NRP1: variants seen among roughly 807,000 people sequenced by gnomAD.
NRP1 encodes neuropilin-1.
Under a neutral mutation model 106.7 loss-of-function variants are expected in NRP1, and 35 were observed. That is an observed-to-expected ratio of 0.33 (90% CI 0.25 to 0.43). The LOEUF (loss-of-function observed/expected upper bound fraction) is 0.43. NRP1 is among the 20% of genes least tolerant of loss of function. The pLI, the probability that NRP1 is intolerant of heterozygous loss-of-function variation, is 1.00. For synonymous variants in NRP1, 437 were observed against 417.9 expected, an observed-to-expected ratio of 1.05 and a Z score of -0.56; for missense variants, 1,024 against 1,170.4, an observed-to-expected ratio of 0.87 and a Z score of 1.83.
At chr10:33,260,598 G>A (rs541991281) in intron 4 of NRP1, among the ~76,000 whole-genome samples, 3 of 152,184 alleles carry the variant, frequency 2.0e-5, no homozygotes, top group East Asian at 3.9e-4. Context: ...GCATGTACCC[G>A]GGCAATGATG....
At chr10:33,252,394 G>C (rs1166508832) in intron 6 of NRP1, among the ~76,000 whole-genome samples, 3 of 152,130 alleles carry the variant, frequency 2.0e-5, no homozygotes, top group Non-Finnish European at 4.4e-5. Flanking sequence ...AACACAAGCC[G>C]CCTATAGACG....
In NRP1 at chr10:33,213,257, C is replaced by A. The variant is rs1352173567; in HGVS notation, c.1614+129G>T. The A allele has an allele frequency of 4.4e-6, 7 of 1,608,884 alleles. No individual in the cohort carries two copies. In the South Asian group the frequency reaches 5.5e-5, roughly 13 times the overall value. On this transcript the variant is annotated intron_variant, in intron 9 of 16. Coordinates refer to ENST00000374867, the MANE Select transcript of NRP1 (RefSeq NM_003873.7). ...TCCTAGAATCAAGGGTCTTACTGAC[C>A]CCATCACACACCTCCTCTAATGTCA...
At chr10:33,286,559 A>G (rs370429496) in intron 2 of NRP1, among the ~76,000 whole-genome samples, 4 of 152,212 alleles carry the variant, frequency 2.6e-5, no homozygotes, top group African/African-American at 9.6e-5. Flanking sequence ...GGGCTGATCC[A>G]GGTCTCCCAT....
At chr10:33,285,833 A>AAAAACAAAAC (rs56400487) in intron 2 of NRP1, among the ~76,000 whole-genome samples, 11,491 of 148,084 alleles carry the variant, frequency 0.078, 480 homozygotes, top group Non-Finnish European at 0.097. Context: ...ACTCCATCTC[A>AAAAACAAAAC]AAAACAAAAC....
chr10:33,312,627 G>A (rs574937042), intron 2 of NRP1, among the ~76,000 whole-genome samples: 3 of 152,312 alleles, frequency 2.0e-5, no homozygotes, highest in African/African-American at 7.2e-5. Flanking sequence ...CTTATCTCCT[G>A]TTGATAGACC....
intron 2 of NRP1, among the ~76,000 whole-genome samples, chr10:33,281,557 G>C (rs1008844106): frequency 6.6e-6 from 1 of 152,182 alleles, no homozygotes; most frequent in Non-Finnish European, 1.5e-5. Context: ...ATGAGGAAAG[G>C]AGGTGACATC....
chr10:33,246,756 C>T (rs1284012360), intron 6 of NRP1, among the ~76,000 whole-genome samples: 1 of 152,130 alleles, frequency 6.6e-6, no homozygotes, highest in African/African-American at 2.4e-5. Context: ...TATAAAGTAT[C>T]ATTTTAATGT....
At chr10:33,285,694 G>A (rs1588921040) in intron 2 of NRP1, among the ~76,000 whole-genome samples, 1 of 152,076 alleles carries the variant, frequency 6.6e-6, no homozygotes, top group African/African-American at 2.4e-5. Flanking sequence ...CAGCCATGGT[G>A]GTGCATGCCT....
At chr10:33,325,143 C>G (rs1026679263) in intron 2 of NRP1, among the ~76,000 whole-genome samples, 2 of 152,058 alleles carry the variant, frequency 1.3e-5, no homozygotes, top group African/African-American at 4.8e-5. Context: ...AAATCTTATA[C>G]TTGGGTTGTG....
At chr10:33,227,405 C>T (rs1839757162) in intron 6 of NRP1, among the ~76,000 whole-genome samples, 6 of 151,906 alleles carry the variant, frequency 3.9e-5, no homozygotes, top group Admixed American at 3.9e-4. Context: ...GGAGAGGGGC[C>T]ATAGATTTAT....
chr10:33,252,356 T>A (rs1172162043), intron 6 of NRP1, among the ~76,000 whole-genome samples: 1 of 152,042 alleles, frequency 6.6e-6, no homozygotes, highest in Non-Finnish European at 1.5e-5. Flanking sequence ...GTCCTTGTGA[T>A]AAGGAAGGGG....
At chr10:33,319,002 C>CA (rs772644369) in intron 2 of NRP1, among the ~76,000 whole-genome samples, 3 of 90,764 alleles carry the variant, frequency 3.3e-5, no homozygotes, top group African/African-American at 1.1e-4. Context: ...TCTTTTCTTT[C>CA]TTTTTTTTTT....
At chr10:33,181,223 C>T (rs1835667468) in intron 16 of NRP1, among the ~76,000 whole-genome samples, 1 of 152,162 alleles carries the variant, frequency 6.6e-6, no homozygotes, top group African/African-American at 2.4e-5. Context: ...TAATGGTGTT[C>T]TGATCAACAA....
At chr10:33,303,590 A>G (rs1442033432) in intron 2 of NRP1, among the ~76,000 whole-genome samples, 1 of 152,224 alleles carries the variant, frequency 6.6e-6, no homozygotes, top group African/African-American at 2.4e-5. Context: ...TAATAAGGAA[A>G]CAAAATGATG....
intron 2 of NRP1, among the ~76,000 whole-genome samples, chr10:33,316,759 G>A (rs148862189): frequency 8.5e-5 from 13 of 152,340 alleles, no homozygotes; most frequent in African/African-American, 2.9e-4. Context: ...TTGCACAAAA[G>A]TTGGAGAAAT....
chr10:33,264,960 A>C (rs1056282600), intron 3 of NRP1, among the ~76,000 whole-genome samples: 5 of 152,008 alleles, frequency 3.3e-5, no homozygotes, highest in African/African-American at 1.2e-4. Flanking sequence ...AAATAGAAAA[A>C]TTAGCTGGGC....
chr10:33,216,566 A>G (rs11009298), intron 8 of NRP1, among the ~76,000 whole-genome samples: 42,563 of 150,236 alleles, frequency 0.28, 6,407 homozygotes, highest in East Asian at 0.62. Context: ...CAATCCTCCC[A>G]CCTCAGTCTC....
At chr10:33,198,694 A>C (rs1248145487) in intron 11 of NRP1, among the ~76,000 whole-genome samples, 1 of 152,136 alleles carries the variant, frequency 6.6e-6, no homozygotes. Flanking sequence ...CCTTTAGGGA[A>C]GTTGCAAGGC....
chr10:33,197,511 T>G (rs1365976059), intron 12 of NRP1, 139 bp downstream of exon 12: 18 of 531,216 alleles, frequency 3.4e-5, no homozygotes, highest in Non-Finnish European at 5.6e-5. Context: ...AAAGCAATAT[T>G]TATGGCTCAT....
Sources: allele counts gnomAD v4.1 joint callset (sites outside exome capture counted in the v4.1 genomes callset), GRCh38; gene constraint gnomAD v4.1.1; transcripts MANE v1.5; gene names NCBI Gene and HGNC (gene_info 2026-07-23, HGNC 2026-07-21).